DDX3X: variants seen among roughly 807,000 people sequenced by gnomAD.
DDX3X encodes DEAD-box helicase 3 X-linked.
In DDX3X, 4 loss-of-function variants were observed where a neutral mutation model predicts 52.7. The ratio of observed to expected loss-of-function variants is 0.08; its 90% CI spans 0.04 to 0.17. DDX3X has a LOEUF of 0.17. Ranked by LOEUF, DDX3X falls within the 10% of genes least tolerant of loss-of-function variation. The probability of loss-of-function intolerance (pLI) is 1.00; values close to 1 mark genes in which losing one functional copy is unlikely to be tolerated. For synonymous variants in DDX3X, 192 were observed against 178.1 expected, an observed-to-expected ratio of 1.08 and a Z score of -0.62; for missense variants, 222 against 548.6, an observed-to-expected ratio of 0.40 and a Z score of 5.95.
At chrX:41,336,424 G>C (rs191732520) in intron 1 of DDX3X, 1 of 111,813 alleles carries the variant, frequency 8.9e-6, no homozygotes, top group Non-Finnish European at 1.9e-5. Context: ...AGCATTGAAC[G>C]CCAGTTGTGC....
intron 5 of DDX3X, among the ~76,000 whole-genome samples, chrX:41,363,278 A>T (rs1898651972): frequency 9.1e-6 from 1 of 110,414 alleles, no homozygotes; most frequent in Non-Finnish European, 1.9e-5. Context: ...TACAAAAATT[A>T]GCTGGGCATG....
intron 3 of DDX3X, chrX:41,340,542 G>A (rs1195591332): frequency 4.3e-6 from 1 of 230,846 alleles, no homozygotes; most frequent in African/African-American, 2.9e-5. Context: ...TAATTTACAT[G>A]TTTGTCATCC....
chrX:41,345,140 A>G (rs758983039), intron 10 of DDX3X, 40 bp from the exon 11 acceptor site: 1 of 1,192,561 alleles, frequency 8.4e-7, no homozygotes, highest in Admixed American at 2.2e-5. Context: ...TTTCTCCTCA[A>G]ATTCTAAACT....
At chrX:41,334,443 A>T in intron 1 of DDX3X, 146 bp downstream of exon 1, 1 of 1,120,263 alleles carries the variant, frequency 8.9e-7, no homozygotes, top group Non-Finnish European at 1.2e-6. Context: ...CCGGGGCTAT[A>T]GAGGGATAGG....
At chrX:41,342,707 C>A in intron 5 of DDX3X, 30 bp from the exon 6 acceptor site, 1 of 1,205,627 alleles carries the variant, frequency 8.3e-7, no homozygotes. Flanking sequence ...GCTAGTATAA[C>A]AAATGAACTT....
At chrX:41,337,267 A>G in intron 1 of DDX3X, 141 bp from the exon 2 acceptor site, 1 of 509,412 alleles carries the variant, frequency 2.0e-6, no homozygotes, top group Admixed American at 3.6e-5. Flanking sequence ...TCACATTCTC[A>G]TTAAGGGTTG....
chrX:41,350,188 TAA>T lies in DDX3X; in HGVS notation c.*2473_*2474del, dbSNP rs1388665300. The T allele has an allele frequency of 8.9e-6, 1 of 112,534 alleles. No individual in the cohort carries two copies. The highest frequency in any genetic ancestry group is 9.5e-5 in the Admixed American group (1 of 10,532). The allele number at this position is 112,534 out of a possible 1,213,427, so 9.3% of individuals were successfully genotyped here. A position where few individuals can be genotyped will look rare whatever the true frequency, so the allele number is the denominator to read the frequency against. On this transcript the variant is annotated 3_prime_UTR_variant, in exon 17 of 17. Transcript: ENST00000644876. ...TGTGCATATTCTGATTTTATTAAAA[TAA>T]AAAGTTGAACTGCACAGTCTCCTTT...
intron 5 of DDX3X, among the ~76,000 whole-genome samples, chrX:41,356,478 G>A (rs1458706820): frequency 7.9e-5 from 1 of 12,667 alleles, no homozygotes. Context: ...TTTTTTTTTT[G>A]AGACGGAGTC....
intron 12 of DDX3X, 53 bp downstream of exon 12, chrX:41,345,601 C>T: frequency 9.4e-7 from 1 of 1,060,869 alleles, no homozygotes; most frequent in Non-Finnish European, 1.3e-6. Context: ...TCTTTGTTGC[C>T]CAGGCTGGAG....
rs914362681 is a variant in DDX3X, at chrX:41,346,169, A to G, written c.1316-60A>G. On this transcript the variant is annotated intron_variant, in intron 12 of 16. Coordinates refer to ENST00000644876, the MANE Select transcript of DDX3X (RefSeq NM_001356.5). ...ATTGACACATTAAAATTGTGCATAC[A>G]TAAGTGCAAAGAGAACTAAGCCATG... 2.7e-5 allele frequency: 28 copies of G among 1,032,113 alleles called. No homozygotes were observed. The African/African-American group carries it at 3.2e-4, about 12-fold the overall frequency. 85.1% of individuals were successfully genotyped at this position (1,032,113 alleles called of 1,213,427 possible).
chrX:41,357,790 C>G, intron 5 of DDX3X: 1 of 294,029 alleles, frequency 3.4e-6, no homozygotes, highest in East Asian at 4.8e-5. Flanking sequence ...TAAAGATTAC[C>G]TAGTACTTCC....
chrX:41,335,596 T>C (rs1346434202), intron 1 of DDX3X: 1 of 111,857 alleles, frequency 8.9e-6, no homozygotes, highest in Admixed American at 9.5e-5. Flanking sequence ...AACTACTGTC[T>C]ACTGTGATTA....
At chrX:41,343,466 G>A (rs2063879883) in intron 7 of DDX3X, 115 bp downstream of exon 7, 1 of 675,632 alleles carries the variant, frequency 1.5e-6, no homozygotes, top group South Asian at 3.4e-5. Context: ...GCTGCTATTG[G>A]ACTGTGAAAG....
rs1471044263 is a variant in DDX3X, at chrX:41,349,239, C to T, written c.*1520C>T. 3 of 112,362 alleles carry T rather than the reference C, an allele frequency of 2.7e-5. No homozygotes were observed. The highest frequency in any genetic ancestry group is 9.7e-5 in the African/African-American group (3 of 30,811). 9.3% of individuals were successfully genotyped at this position (112,362 alleles called of 1,213,427 possible). A position where few individuals can be genotyped will look rare whatever the true frequency, so the allele number is the denominator to read the frequency against. ...TTGTTATGGTGCTATTTCAATTAGT[C>T]TAGGTTTAGGCCCTTGTACATTTTG... On this transcript the variant is annotated 3_prime_UTR_variant, in exon 17 of 17. Transcript: ENST00000644876.
At chrX:41,340,964 TTGCTTGA>T (rs1051627911) in intron 3 of DDX3X, 1 of 279,537 alleles carries the variant, frequency 3.6e-6, no homozygotes, top group Non-Finnish European at 6.3e-6. Context: ...GACTGTCAGA[TTGCTTGA>T]TTTAGTGTAA....
At chrX:41,333,798 G>T (rs538241821), upstream of DDX3X, 12 of 124,356 alleles carry the variant, frequency 9.6e-5, no homozygotes, top group Admixed American at 2.7e-4. Flanking sequence ...GGTTGGAAAG[G>T]GGGGCGAAGA....
intron 12 of DDX3X, 84 bp from the exon 13 acceptor site, chrX:41,346,145 T>G: frequency 1.2e-6 from 1 of 833,428 alleles, no homozygotes; most frequent in East Asian, 3.2e-5. Context: ...TGTATTTTAA[T>G]TGACACATTA....
chrX:41,353,297 C>CAAAAAAAA (rs61067509), downstream of DDX3X, among the ~76,000 whole-genome samples: 7 of 46,029 alleles, frequency 1.5e-4, no homozygotes, highest in Admixed American at 2.6e-4. Flanking sequence ...ACTAAAAATA[C>CAAAAAAAA]AAAAAAAAAA....
At chrX:41,343,707 A>G in intron 7 of DDX3X, 30 bp from the exon 8 acceptor site, 2 of 1,155,529 alleles carry the variant, frequency 1.7e-6, no homozygotes, top group East Asian at 5.9e-5. Flanking sequence ...AAAAGTAATG[A>G]GCAGGATTTG....
Sources: gnomAD v4.1 joint callset for allele counts (sites outside exome capture counted in the v4.1 genomes callset) on GRCh38, gnomAD v4.1.1 for gene constraint, MANE v1.5 for transcripts, NCBI Gene and HGNC (gene_info 2026-07-23, HGNC 2026-07-21) for gene names.